The following RGS7 variants were observed in gnomAD, a reference collection of about 807,000 sequenced individuals.
The protein encoded by RGS7 is regulator of G-protein signaling 7.
In RGS7, 27 loss-of-function variants were observed where a neutral mutation model predicts 81.1. The observed-to-expected ratio is 0.33, with a 90% CI of 0.25 to 0.46. The LOEUF (loss-of-function observed/expected upper bound fraction) is 0.46. Ranked by LOEUF, RGS7 falls within the 20% of genes least tolerant of loss-of-function variation. RGS7 has a pLI of 1.00. For synonymous variants in RGS7, 208 were observed against 207.7 expected (o/e 1.00, Z -0.01); for missense variants, 396 against 607.4 (o/e 0.65, Z 3.66).
chr1:240,822,414 G>A (rs1390694815), intron 10 of RGS7, among the ~76,000 whole-genome samples: 1 of 152,184 alleles, frequency 6.6e-6, no homozygotes, highest in Non-Finnish European at 1.5e-5. Flanking sequence ...AAGATGGTAC[G>A]ATGATGTGAC....
At chr1:241,015,200 A>G (rs1339122887) in intron 3 of RGS7, among the ~76,000 whole-genome samples, 1 of 152,202 alleles carries the variant, frequency 6.6e-6, no homozygotes, top group East Asian at 1.9e-4. Flanking sequence ...AATCCTTTGG[A>G]AGCTGAGAAA....
intron 3 of RGS7, among the ~76,000 whole-genome samples, chr1:241,042,576 AG>A (rs1461300024): frequency 6.6e-6 from 1 of 152,232 alleles, no homozygotes; most frequent in Non-Finnish European, 1.5e-5. Context: ...GGCACATAAA[AG>A]ACCAGGAATA....
intron 2 of RGS7, among the ~76,000 whole-genome samples, chr1:241,161,494 T>A (rs1178978471): frequency 6.8e-6 from 1 of 146,416 alleles, no homozygotes; most frequent in African/African-American, 2.6e-5. Flanking sequence ...TATATAATAA[T>A]TATATTATTA....
At chr1:241,355,876 A>T in intron 1 of RGS7, 50 bp from the exon 2 acceptor site, 1 of 948,028 alleles carries the variant, frequency 1.1e-6, no homozygotes, top group Non-Finnish European at 1.7e-6. Context: ...GACTCCCCTG[A>T]TTCATCATCA....
intron 2 of RGS7, among the ~76,000 whole-genome samples, chr1:241,216,612 G>T (rs1320436794): frequency 6.6e-6 from 1 of 152,142 alleles, no homozygotes; most frequent in Non-Finnish European, 1.5e-5. Flanking sequence ...TATTGAACAT[G>T]TCTATCCCAA....
chr1:241,076,078 C>T (rs2062780889), intron 3 of RGS7, among the ~76,000 whole-genome samples: 1 of 152,192 alleles, frequency 6.6e-6, no homozygotes, highest in African/African-American at 2.4e-5. Flanking sequence ...CCTAAGATGG[C>T]ACTGAACATA....
chr1:241,323,925 T>C (rs1157119737), intron 2 of RGS7, among the ~76,000 whole-genome samples: 2 of 152,228 alleles, frequency 1.3e-5, no homozygotes, highest in Non-Finnish European at 2.9e-5. Context: ...CCAGTCTGCC[T>C]GAGACTGAAG....
At chr1:241,177,576 A>C (rs1387917266) in intron 2 of RGS7, among the ~76,000 whole-genome samples, 1 of 152,216 alleles carries the variant, frequency 6.6e-6, no homozygotes, top group Non-Finnish European at 1.5e-5. Context: ...AGGACTGTGC[A>C]TGTTGAGTGC....
chr1:241,125,919 C>T (rs2066625725), intron 2 of RGS7, among the ~76,000 whole-genome samples: 1 of 152,060 alleles, frequency 6.6e-6, no homozygotes. Flanking sequence ...GGAAAAAATG[C>T]CCTTATCTCC....
intron 6 of RGS7, among the ~76,000 whole-genome samples, chr1:240,910,001 C>T (rs967784979): frequency 2.6e-5 from 4 of 152,072 alleles, no homozygotes; most frequent in African/African-American, 7.3e-5. Flanking sequence ...AGCAGACGTG[C>T]TCTTCTGTCC....
At chr1:241,280,437 A>T (rs550035402) in intron 2 of RGS7, among the ~76,000 whole-genome samples, 1 of 152,342 alleles carries the variant, frequency 6.6e-6, no homozygotes, top group African/African-American at 2.4e-5. Context: ...TTGTTTAAGT[A>T]GTTCTAGCAA....
At chr1:241,180,149 C>A (rs572786026) in intron 2 of RGS7, among the ~76,000 whole-genome samples, 2 of 151,986 alleles carry the variant, frequency 1.3e-5, no homozygotes, top group East Asian at 1.9e-4. Context: ...CCGAGGCAGG[C>A]GGATCACGAG....
intron 2 of RGS7, among the ~76,000 whole-genome samples, chr1:241,135,636 G>A (rs1392080571): frequency 6.6e-6 from 1 of 151,978 alleles, no homozygotes; most frequent in East Asian, 1.9e-4. Context: ...TCCCAGGTTT[G>A]GCAGGCTCTT....
At chr1:240,996,244 G>A (rs956349482) in intron 3 of RGS7, among the ~76,000 whole-genome samples, 2 of 152,108 alleles carry the variant, frequency 1.3e-5, no homozygotes, top group African/African-American at 4.8e-5. Context: ...GGGAACTTGA[G>A]ACCATGAAAA....
chr1:241,258,073 A>G (rs574895353), intron 2 of RGS7, among the ~76,000 whole-genome samples: 6 of 152,210 alleles, frequency 3.9e-5, no homozygotes, highest in Non-Finnish European at 5.9e-5. Flanking sequence ...TGACTATGTA[A>G]TGAGACTATC....
intron 6 of RGS7, among the ~76,000 whole-genome samples, chr1:240,873,675 C>CTGA (rs1664867580): frequency 6.6e-6 from 1 of 152,150 alleles, no homozygotes; most frequent in Admixed American, 6.5e-5. Flanking sequence ...TCAGACAACA[C>CTGA]TGATGCCCAT....
chr1:241,097,694 C>T (rs1318043954), intron 3 of RGS7, among the ~76,000 whole-genome samples: 2 of 152,126 alleles, frequency 1.3e-5, no homozygotes, highest in Non-Finnish European at 2.9e-5. Flanking sequence ...GGCCATGCCC[C>T]AGCACATCCC....
intron 2 of RGS7, among the ~76,000 whole-genome samples, chr1:241,303,221 T>C (rs1209270110): frequency 6.6e-6 from 1 of 151,852 alleles, no homozygotes; most frequent in Admixed American, 6.6e-5. Context: ...TGGGGGTGGA[T>C]TTCCCCCTTG....
rs563064089 is a variant in RGS7, at chr1:240,816,228, T to C, written c.783+89A>G. 522 of 839,914 alleles carry C rather than the reference T, an allele frequency of 6.2e-4. 1 individual carries two copies. In the African/African-American group the frequency reaches 7.3e-3, roughly 12 times the overall value. The allele number at this position is 839,914 out of a possible 1,614,324, so 52.0% of individuals were successfully genotyped here. A position where few individuals can be genotyped will look rare whatever the true frequency, so the allele number is the denominator to read the frequency against. On this transcript the variant is annotated intron_variant, in intron 11 of 18. Transcript: ENST00000440928. ...AACAGTCAGTCATACAAATAACCTA[T>C]AAAAATACCCACTATTAACATTTAC... is the stretch of plus-strand genomic sequence containing the variant.
Sources: allele counts gnomAD v4.1 joint callset (sites outside exome capture counted in the v4.1 genomes callset), GRCh38; gene constraint gnomAD v4.1.1; transcripts MANE v1.5; gene names NCBI Gene and HGNC (gene_info 2026-07-23, HGNC 2026-07-21).